Variants in QPCT observed in about 807,000 individuals in gnomAD.
QPCT encodes EC.
A neutral mutation model predicts 43.4 loss-of-function variants in QPCT; 44 were observed. The observed-to-expected ratio is 1.01, with a 90% CI of 0.80 to 1.30. The LOEUF is 1.30. QPCT is among the 50% of genes most tolerant of loss of function. The pLI, the probability that QPCT is intolerant of heterozygous loss-of-function variation, is 0.00. For synonymous variants in QPCT, 168 were observed against 168.4 expected (o/e 1.00, Z 0.02); for missense variants, 526 against 436.5 (o/e 1.21, Z -1.83).
intron 1 of QPCT, among the ~76,000 whole-genome samples, chr2:37,351,501 A>G (rs1467123360): frequency 1.3e-5 from 2 of 152,258 alleles, no homozygotes; most frequent in African/African-American, 4.8e-5. Context: ...GAAGTTAAAA[A>G]GTCTACTATT....
chr2:37,362,581 C>T (rs1030959649), intron 3 of QPCT, among the ~76,000 whole-genome samples: 1 of 152,140 alleles, frequency 6.6e-6, no homozygotes, highest in African/African-American at 2.4e-5. Flanking sequence ...TTTGAAATCA[C>T]CGTTAAAACA....
At chr2:37,356,899 G>C (rs1006214287) in intron 2 of QPCT, among the ~76,000 whole-genome samples, 1 of 151,976 alleles carries the variant, frequency 6.6e-6, no homozygotes, top group Non-Finnish European at 1.5e-5. Flanking sequence ...CCAGCTTTTC[G>C]GGAGGCTAAG....
intron 1 of QPCT, among the ~76,000 whole-genome samples, chr2:37,347,206 A>T (rs1477918727): frequency 2.4e-5 from 2 of 82,566 alleles, no homozygotes; most frequent in African/African-American, 5.5e-5. Flanking sequence ...TATATATATA[A>T]CATATATATA....
intron 1 of QPCT, among the ~76,000 whole-genome samples, chr2:37,349,337 C>A (rs1672572496): frequency 6.6e-6 from 1 of 152,210 alleles, no homozygotes; most frequent in Middle Eastern, 3.2e-3. Flanking sequence ...TGGATTTACC[C>A]TTTAGTCATC....
chr2:37,371,773 C>G (rs933752223), intron 5 of QPCT, among the ~76,000 whole-genome samples: 12 of 152,158 alleles, frequency 7.9e-5, no homozygotes. Flanking sequence ...ACTCCAGCCC[C>G]AGAATTTCTG....
intron 2 of QPCT, among the ~76,000 whole-genome samples, chr2:37,359,278 A>G (rs934871388): frequency 9.2e-5 from 14 of 152,238 alleles, no homozygotes; most frequent in Non-Finnish European, 1.5e-5. Flanking sequence ...AGGAGAAGAT[A>G]TGTCGAAAGA....
intron 3 of QPCT, among the ~76,000 whole-genome samples, chr2:37,365,631 T>A (rs1490047109): frequency 6.6e-6 from 1 of 152,092 alleles, no homozygotes; most frequent in Non-Finnish European, 1.5e-5. Flanking sequence ...CCAGCAGAGA[T>A]AGAAAAATTG....
At chr2:37,352,586 C>A (rs554477208) in intron 1 of QPCT, among the ~76,000 whole-genome samples, 4 of 152,328 alleles carry the variant, frequency 2.6e-5, no homozygotes, top group Non-Finnish European at 5.9e-5. Context: ...CTTGCCTCAG[C>A]CTCCCAAAGT....
Position 37,369,694 on chromosome 2 carries a change from G to C in QPCT, c.733G>C (p.Val245Leu), listed in dbSNP as rs1275258605. 3.1e-6 allele frequency: 5 copies of C among 1,593,494 alleles called. No individual in the cohort carries two copies. The highest frequency in any genetic ancestry group is 3.3e-5 in the Admixed American group (2 of 59,978). Residue 245 changes from valine (V) to leucine (L), a missense_variant, in exon 5 of 7, where the codon GTC (valine) becomes CTC (leucine). Val to Leu is a conservative substitution (Grantham distance 32). Coordinates refer to ENST00000338415, the MANE Select transcript of QPCT (RefSeq NM_012413.4). ...ACTTTTTCTCCCTCAGGATTTATTG[G>C]TCTTATTGGATTTGATTGGAGCTCC... ...TSQLHGMDLL[V>L]LLDLIGAPNP...
In QPCT at chr2:37,352,825, C is replaced by A; in HGVS notation, c.157C>A (p.Leu53Ile). Residue 53 changes from leucine (L) to isoleucine (I), a missense_variant, in exon 2 of 7, where the codon CTT becomes ATT. Coordinates refer to ENST00000338415, the MANE Select transcript of QPCT (RefSeq NM_012413.4). ...GCCAGCCATTTTGAATTCATCGGCT[C>A]TTCGGCAAATTGCAGAAGGCACCAG... ...HQPAILNSSA[L>I]RQIAEGTSIS... 6.2e-7 allele frequency: 1 copy of A among 1,614,172 alleles called. No homozygotes were observed. Among genetic ancestry groups the A allele is most frequent in the Non-Finnish European group, 8.5e-7 (1 of 1,180,010 alleles).
intron 2 of QPCT, among the ~76,000 whole-genome samples, chr2:37,359,234 T>C (rs945558553): frequency 1.3e-5 from 2 of 152,032 alleles, no homozygotes; most frequent in Non-Finnish European, 2.9e-5. Flanking sequence ...GCCAAATATA[T>C]GTGTTTGTAT....
intron 1 of QPCT, among the ~76,000 whole-genome samples, chr2:37,348,459 T>C (rs961711978): frequency 2.6e-5 from 4 of 152,216 alleles, no homozygotes; most frequent in African/African-American, 9.7e-5. Context: ...GTTCAGTAAC[T>C]GCTGATTGAG....
At chr2:37,371,044 G>C (rs1451381393) in intron 5 of QPCT, among the ~76,000 whole-genome samples, 3 of 152,154 alleles carry the variant, frequency 2.0e-5, no homozygotes, top group Non-Finnish European at 4.4e-5. Context: ...CATGAGTAAA[G>C]AATTTGTCTA....
At position 37,372,983 on chromosome 2, in the gene QPCT, G is replaced by T; in HGVS notation, c.*156G>T. The stretch of plus-strand genomic sequence containing the variant: ...GTCTTTGGTTATCAGATCAATTACA[G>T]AATAATTGTGTTGTGATATTGTGTC... On this transcript the variant is annotated 3_prime_UTR_variant, in exon 7 of 7. Coordinates refer to ENST00000338415, the MANE Select transcript of QPCT (RefSeq NM_012413.4). 1.7e-6 allele frequency: 1 copy of T among 589,668 alleles called. No homozygotes were observed. The highest frequency in any genetic ancestry group is 3.8e-5 in the Admixed American group (1 of 26,606). 36.5% of individuals were successfully genotyped at this position (589,668 alleles called of 1,614,324 possible).
rs1441874488 is a variant in QPCT at position 37,353,337 on chromosome 2, G to T, written c.267+402G>T. ...GGCCATCACTCGCCTTAGGGAAATTGTATTTTCCCTGGAGGGAGAGTTAAG... is the reference window on the plus strand; with the variant it reads ...GGCCATCACTCGCCTTAGGGAAATTTTATTTTCCCTGGAGGGAGAGTTAAG... On this transcript the variant is annotated intron_variant, in intron 2 of 6. Transcript: ENST00000338415. Among the ~76,000 whole-genome samples the T allele has an allele frequency of 2.6e-5, 4 of 152,236 alleles. No individual in the cohort carries two copies. In the East Asian group the frequency reaches 7.7e-4, roughly 29 times the overall value.
At chr2:37,365,077 GCACA>G (rs56740546) in intron 3 of QPCT, among the ~76,000 whole-genome samples, 37 of 146,078 alleles carry the variant, frequency 2.5e-4, no homozygotes, top group African/African-American at 3.2e-4. Flanking sequence ...ACACAACACA[GCACA>G]CACACACACA....
chr2:37,357,164 CAG>C (rs1425917857), intron 2 of QPCT, among the ~76,000 whole-genome samples: 2 of 152,046 alleles, frequency 1.3e-5, no homozygotes, highest in African/African-American at 4.8e-5. Flanking sequence ...GTATTGCTAA[CAG>C]ATATATTTTT....
At chr2:37,353,632 C>T (rs1672670189) in intron 2 of QPCT, among the ~76,000 whole-genome samples, 1 of 152,154 alleles carries the variant, frequency 6.6e-6, no homozygotes, top group African/African-American at 2.4e-5. Flanking sequence ...GAGGGTAGAA[C>T]AAGCTGGGCC....
chr2:37,371,278 T>C (rs2373001), intron 5 of QPCT, among the ~76,000 whole-genome samples: 25,694 of 151,746 alleles, frequency 0.17, 3,484 homozygotes, highest in East Asian at 0.43. Flanking sequence ...AATGAACTTA[T>C]GCCAATAACT....
Sources: gnomAD v4.1 joint callset for allele counts (sites outside exome capture counted in the v4.1 genomes callset) on GRCh38, gnomAD v4.1.1 for gene constraint, MANE v1.5 for transcripts, NCBI Gene and HGNC (gene_info 2026-07-23, HGNC 2026-07-21) for gene names.